Variants in GTF3C2 observed in about 807,000 individuals in gnomAD.
GTF3C2 encodes general transcription factor 3C polypeptide 2.
Under a neutral mutation model 117.4 loss-of-function variants are expected in GTF3C2, and 17 were observed. The observed-to-expected ratio is 0.14, with a 90% CI of 0.10 to 0.22. The LOEUF (loss-of-function observed/expected upper bound fraction) is 0.22. Ranked by LOEUF, GTF3C2 falls within the 10% of genes least tolerant of loss-of-function variation. The pLI is 1.00. For missense variants in GTF3C2, 888 were observed against 1,143.6 expected (o/e 0.78, Z 3.22); for synonymous variants, 437 against 427.0 (o/e 1.02, Z -0.29).
intron 5 of GTF3C2, 175 bp downstream of exon 5, chr2:27,337,751 C>G (rs1680545298): frequency 4.3e-6 from 3 of 693,940 alleles, no homozygotes; most frequent in African/African-American, 1.8e-5. Flanking sequence ...TTTTATTTCA[C>G]TTTAATTAAA....
intron 7 of GTF3C2, chr2:27,336,833 C>T (rs1489445587): frequency 1.8e-5 from 4 of 217,226 alleles, no homozygotes; most frequent in Non-Finnish European, 3.7e-5. Context: ...TGGTCTTGAA[C>T]TCGTGGGCTC....
chr2:27,336,122 C>T (rs1680466908), intron 8 of GTF3C2, 76 bp downstream of exon 8: 1 of 1,421,720 alleles, frequency 7.0e-7, no homozygotes, highest in South Asian at 1.2e-5. Context: ...AATCCAAGCC[C>T]TTCCCCCTAT....
intron 12 of GTF3C2, among the ~76,000 whole-genome samples, chr2:27,332,747 C>T (rs1680323645): frequency 6.7e-6 from 1 of 149,588 alleles, no homozygotes; most frequent in African/African-American, 2.5e-5. Context: ...GATGGAGTCT[C>T]CCTCTGTTGC....
intron 17 of GTF3C2, among the ~76,000 whole-genome samples, chr2:27,327,624 C>CTTTT (rs918684500): frequency 1.1e-5 from 1 of 92,594 alleles, no homozygotes; most frequent in Non-Finnish European, 2.0e-5. Context: ...ACGCCTGGCC[C>CTTTT]TTTTTTTTTT....
chr2:27,330,229 G>A (rs577821557), intron 12 of GTF3C2, among the ~76,000 whole-genome samples: 16 of 150,496 alleles, frequency 1.1e-4, no homozygotes, highest in Admixed American at 6.0e-4. Flanking sequence ...AGGCCAATGC[G>A]GGTGGATCAC....
intron 18 of GTF3C2, 26 bp from the exon 19 acceptor site, chr2:27,326,919 A>G: frequency 6.8e-7 from 1 of 1,468,826 alleles, no homozygotes; most frequent in Non-Finnish European, 9.5e-7. Flanking sequence ...AAAACAAGAG[A>G]GAGATGCTCA....
intron 1 of GTF3C2, among the ~76,000 whole-genome samples, chr2:27,352,309 C>A (rs1681166426): frequency 6.6e-6 from 1 of 152,178 alleles, no homozygotes; most frequent in Non-Finnish European, 1.5e-5. Flanking sequence ...TGCTCTCCCC[C>A]TACACATTCT....
chr2:27,336,672 A>C, intron 7 of GTF3C2: 1 of 445,844 alleles, frequency 2.2e-6, no homozygotes, highest in African/African-American at 2.0e-5. Flanking sequence ...CAGTGGCATG[A>C]TCGACGGTTC....
At chr2:27,348,108 G>A (rs1680981793) in intron 1 of GTF3C2, among the ~76,000 whole-genome samples, 1 of 152,022 alleles carries the variant, frequency 6.6e-6, no homozygotes, top group Non-Finnish European at 1.5e-5. Context: ...TCTCTACTAA[G>A]AATACAAACA....
chr2:27,337,312 C>T (rs752418422), exon 7 of GTF3C2: 2 of 1,613,346 alleles, frequency 1.2e-6, no homozygotes, highest in Admixed American at 3.3e-5. Flanking sequence ...ATGGAGACTT[C>T]TCCTCCTGGG....
intron 7 of GTF3C2, 113 bp from the exon 8 acceptor site, chr2:27,336,538 T>G: frequency 1.6e-6 from 1 of 643,242 alleles, no homozygotes; most frequent in Non-Finnish European, 2.8e-6. Flanking sequence ...AGCCTGAATA[T>G]CAAAAACAGT....
At chr2:27,334,793 C>T (rs1034859074) in intron 10 of GTF3C2, among the ~76,000 whole-genome samples, 2 of 152,094 alleles carry the variant, frequency 1.3e-5, no homozygotes, top group African/African-American at 4.8e-5. Flanking sequence ...CAGGCATGCA[C>T]CACTATGTTC....
At chr2:27,332,220 T>G (rs953958422) in intron 12 of GTF3C2, among the ~76,000 whole-genome samples, 1 of 152,086 alleles carries the variant, frequency 6.6e-6, no homozygotes, top group African/African-American at 2.4e-5. Flanking sequence ...GGTTTCACCA[T>G]GTGGCCCAGT....
At chr2:27,354,369 AC>A (rs1450682535) in intron 1 of GTF3C2, among the ~76,000 whole-genome samples, 1 of 152,138 alleles carries the variant, frequency 6.6e-6, no homozygotes, top group Non-Finnish European at 1.5e-5. Flanking sequence ...CAGGAGAAAA[AC>A]CTTCAAGCTT....
chr2:27,342,720 AC>A (rs1680777668), intron 3 of GTF3C2, 105 bp downstream of exon 3: 3 of 810,284 alleles, frequency 3.7e-6, no homozygotes, highest in Non-Finnish European at 6.1e-6. Flanking sequence ...TCCAGACACC[AC>A]CCCTGCTTAC....
intron 1 of GTF3C2, among the ~76,000 whole-genome samples, chr2:27,345,385 G>T (rs1680881297): frequency 6.6e-6 from 1 of 152,126 alleles, no homozygotes; most frequent in African/African-American, 2.4e-5. Context: ...CTGAGGTCAG[G>T]AGTTCGAGAC....
chr2:27,354,954 T>C (rs1227410268), intron 1 of GTF3C2, among the ~76,000 whole-genome samples: 3 of 152,192 alleles, frequency 2.0e-5, no homozygotes, highest in Non-Finnish European at 2.9e-5. Flanking sequence ...AAATTATTTT[T>C]CTCGAATAAT....
chr2:27,342,736 T>G (rs1680778319), intron 3 of GTF3C2, 90 bp downstream of exon 3: 1 of 954,064 alleles, frequency 1.0e-6, no homozygotes, highest in Admixed American at 2.1e-5. Flanking sequence ...GCTTACCTAA[T>G]ACCTCATCAG....
rs1020884043 is a variant in GTF3C2 at position 27,327,364 on chromosome 2, C to G, written c.2410-80G>C. On this transcript the variant is annotated intron_variant, in intron 17 of 18. Transcript: ENST00000264720. ...TTAAGACGGAGTCTCGCTCTGTCACCCAGGCTGGAGTGCAGTGGCGCGATC... is the reference window on the plus strand; with the variant it reads ...TTAAGACGGAGTCTCGCTCTGTCACGCAGGCTGGAGTGCAGTGGCGCGATC... 5.1e-5 allele frequency: 37 copies of G among 721,096 alleles called. No homozygotes were observed. The South Asian group carries it at 6.1e-4, about 12-fold the overall frequency. 44.7% of individuals were successfully genotyped at this position (721,096 alleles called of 1,614,324 possible). A position where few individuals can be genotyped will look rare whatever the true frequency, so the allele number is the denominator to read the frequency against.
Sources: allele counts gnomAD v4.1 joint callset (sites outside exome capture counted in the v4.1 genomes callset), GRCh38; gene constraint gnomAD v4.1.1; transcripts MANE v1.5; gene names NCBI Gene and HGNC (gene_info 2026-07-23, HGNC 2026-07-21).